Variants in CERS5 observed in about 807,000 individuals in gnomAD.
CERS5 encodes LAG1 homolog, ceramide synthase 5.
CERS5 carries 37 observed loss-of-function variants against 58.9 expected under a neutral mutation model. The ratio of observed to expected loss-of-function variants is 0.63; its 90% CI spans 0.48 to 0.83. The LOEUF is 0.83. Ranked by LOEUF, CERS5 falls within the 40% of genes least tolerant of loss-of-function variation. The pLI is 0.00. For synonymous variants in CERS5, 147 were observed against 177.8 expected, an observed-to-expected ratio of 0.83 and a Z score of 1.38; for missense variants, 398 against 489.3, an observed-to-expected ratio of 0.81 and a Z score of 1.76.
At chr12:50,158,303 A>C (rs1225855780) in intron 1 of CERS5, among the ~76,000 whole-genome samples, 2 of 152,132 alleles carry the variant, frequency 1.3e-5, no homozygotes, top group Non-Finnish European at 2.9e-5. Flanking sequence ...AGAAACACAA[A>C]CACACATAAG....
chr12:50,135,160 GAGA>G (rs1951582508), intron 8 of CERS5, among the ~76,000 whole-genome samples: 7 of 58,212 alleles, frequency 1.2e-4, no homozygotes, highest in Non-Finnish European at 2.9e-4. Context: ...GGGAGGGAGA[GAGA>G]GGGGAGGGAG....
chr12:50,166,052 G>A (rs1939841933), intron 1 of CERS5: 4 of 414,922 alleles, frequency 9.6e-6, no homozygotes, highest in Non-Finnish European at 4.8e-6. Context: ...GCCGGGTGCG[G>A]TGGCTCACGC....
intron 1 of CERS5, among the ~76,000 whole-genome samples, chr12:50,164,005 G>A (rs1939596915): frequency 6.8e-6 from 1 of 146,324 alleles, no homozygotes; most frequent in African/African-American, 2.5e-5. Flanking sequence ...TGCAGCCCAG[G>A]CTGGAGTGCA....
chr12:50,134,439 G>A (rs1475230353), intron 9 of CERS5, 107 bp downstream of exon 9: 2 of 1,606,102 alleles, frequency 1.2e-6, no homozygotes, highest in South Asian at 1.1e-5. Flanking sequence ...CTTTTTGCTT[G>A]GCCTGCTTGA....
intron 1 of CERS5, among the ~76,000 whole-genome samples, chr12:50,161,278 G>T (rs1242304413): frequency 1.3e-5 from 2 of 152,100 alleles, no homozygotes; most frequent in Non-Finnish European, 2.9e-5. Context: ...CATCAGGTGA[G>T]GCTACAGTTC....
chr12:50,151,213 T>A (rs916292890), intron 1 of CERS5, among the ~76,000 whole-genome samples: 1 of 152,142 alleles, frequency 6.6e-6, no homozygotes, highest in Non-Finnish European at 1.5e-5. Flanking sequence ...GTCCCTACAC[T>A]CCACTGAAGC....
chr12:50,151,044 C>T (rs1233622483), intron 1 of CERS5, among the ~76,000 whole-genome samples: 2 of 152,120 alleles, frequency 1.3e-5, no homozygotes, highest in African/African-American at 4.8e-5. Flanking sequence ...TCTTCAGCCT[C>T]ACTCTCAACT....
intron 8 of CERS5, chr12:50,134,927 G>A: frequency 1.8e-6 from 1 of 547,420 alleles, no homozygotes; most frequent in Non-Finnish European, 3.2e-6. Flanking sequence ...AGGAACTGAT[G>A]GATTAAGTCA....
intron 1 of CERS5, chr12:50,154,326 A>C: frequency 4.7e-6 from 1 of 212,824 alleles, no homozygotes; most frequent in South Asian, 4.8e-5. Context: ...CCAGCCTGGG[A>C]ACAGAGCAAG....
chr12:50,135,352 A>C, intron 8 of CERS5: 1 of 370,840 alleles, frequency 2.7e-6, no homozygotes, highest in South Asian at 2.0e-5. Flanking sequence ...TGTGTGTGTC[A>C]GGGTTGGGAC....
intron 1 of CERS5, chr12:50,144,776 G>C: frequency 6.6e-7 from 1 of 1,522,056 alleles, no homozygotes; most frequent in Non-Finnish European, 8.8e-7. Context: ...TACCTCTTGG[G>C]TCTTGGTTTC....
Position 50,135,776 on chromosome 12 carries a change from G to T in CERS5, c.828C>A (p.Phe276Leu). The T allele has an allele frequency of 6.2e-7, 1 of 1,613,988 alleles. No homozygotes were observed. Among genetic ancestry groups the T allele is most frequent in the Non-Finnish European group, 8.5e-7 (1 of 1,179,962 alleles). The part of the protein sequence containing the change: ...QRLCDTLFVI[F>L]SAVFMVTRLG... Reference sequence around the variant, plus strand: ...GTCGTGTAACCATAAAAACAGCACTGAAGATCACAAAAAGGGTGTCACAGA... The same window carrying T: ...GTCGTGTAACCATAAAAACAGCACTTAAGATCACAAAAAGGGTGTCACAGA... Residue 276 changes from phenylalanine (F) to leucine (L), a missense_variant, in exon 8 of 10, where the codon TTC becomes TTA. Physicochemically the swap from Phe to Leu is conservative, Grantham distance 22. Around this residue, in one of 3 missense-constraint regions of CERS5, gnomAD observed 328 missense variants for 384.5 expected, o/e 0.85. Transcript: ENST00000317551.
chr12:50,135,509 G>A, intron 8 of CERS5: 1 of 694,826 alleles, frequency 1.4e-6, no homozygotes, highest in Non-Finnish European at 2.6e-6. Context: ...CTCTGAGTCT[G>A]GATCCGACCT....
intron 1 of CERS5, among the ~76,000 whole-genome samples, chr12:50,152,202 ATAT>A (rs1488861579): frequency 2.0e-5 from 3 of 152,104 alleles, no homozygotes; most frequent in African/African-American, 4.8e-5. Context: ...TTTCATAACA[ATAT>A]TATTATTTGC....
At chr12:50,156,203 C>T (rs1938597016) in intron 1 of CERS5, among the ~76,000 whole-genome samples, 1 of 150,434 alleles carries the variant, frequency 6.6e-6, no homozygotes, top group Non-Finnish European at 1.5e-5. Flanking sequence ...AGATCGAGAC[C>T]ATCCTGACTA....
intron 4 of CERS5, among the ~76,000 whole-genome samples, chr12:50,138,958 C>A (rs1228071528): frequency 1.3e-5 from 2 of 152,162 alleles, no homozygotes; most frequent in Non-Finnish European, 1.5e-5. Flanking sequence ...CAAAAGTAAT[C>A]ATCTCTAATG....
chr12:50,129,982 G>A lies in CERS5; in HGVS notation c.*563C>T, dbSNP rs991688654. ...TTGCTATCAGGTGATTGATAGGAAG[G>A]GGATCTAGCTAGGGACCACGGCAAT... On this transcript the variant is annotated 3_prime_UTR_variant, in exon 10 of 10. Transcript: ENST00000317551. The A allele has an allele frequency of 2.0e-5, 3 of 152,438 alleles. No individual in the cohort carries two copies. The highest frequency in any genetic ancestry group is 7.2e-5 in the African/African-American group (3 of 41,412). The allele number at this position is 152,438 out of a possible 1,614,324, so 9.4% of individuals were successfully genotyped here.
In CERS5 at chr12:50,149,407, T is replaced by C. The variant is rs139059787; in HGVS notation, c.198-5350A>G. 1.1e-4 allele frequency among the ~76,000 whole-genome samples: 17 copies of C among 152,314 alleles called. No individual in the cohort carries two copies. In the East Asian group the frequency reaches 1.5e-3, roughly 14 times the overall value. Reference sequence around the variant, plus strand: ...ATTTCACTCTGCCCTTTTCCTGCTCTCCAGATACATAGCAGCAGTTGACCT... The same window carrying C: ...ATTTCACTCTGCCCTTTTCCTGCTCCCCAGATACATAGCAGCAGTTGACCT... On this transcript the variant is annotated intron_variant, in intron 1 of 9. Transcript: ENST00000317551.
intron 9 of CERS5, among the ~76,000 whole-genome samples, chr12:50,131,918 G>A (rs987416013): frequency 4.3e-4 from 66 of 151,726 alleles, no homozygotes; most frequent in African/African-American, 1.5e-3. Flanking sequence ...GCAACATGGA[G>A]AGAGCCCTGT....
Sources: allele counts gnomAD v4.1 joint callset (sites outside exome capture counted in the v4.1 genomes callset), GRCh38; gene constraint gnomAD v4.1.1; regional missense constraint gnomAD v4.1.1; transcripts MANE v1.5; gene names NCBI Gene and HGNC (gene_info 2026-07-23, HGNC 2026-07-21).